Variants in TOP2A observed in about 807,000 individuals in gnomAD.
The protein encoded by TOP2A is DNA topoisomerase 2-alpha.
In TOP2A, 68 loss-of-function variants were observed where a neutral mutation model predicts 187.2. The ratio of observed to expected loss-of-function variants is 0.36; its 90% confidence interval spans 0.30 to 0.44. The LOEUF (loss-of-function observed/expected upper bound fraction) is 0.44. Among genes scored for constraint, TOP2A ranks in the 20% least tolerant of loss-of-function variants. The probability of loss-of-function intolerance (pLI) is 1.00; values close to 1 mark genes in which losing one functional copy is unlikely to be tolerated. For missense variants in TOP2A, 1,196 were observed against 1,808.7 expected, an observed-to-expected ratio of 0.66 and a Z score of 6.14; for synonymous variants, 542 against 593.2, an observed-to-expected ratio of 0.91 and a Z score of 1.25.
intron 4 of TOP2A, among the ~76,000 whole-genome samples, chr17:40,415,057 C>CTTT (rs199613504): frequency 1.4e-5 from 2 of 141,046 alleles, no homozygotes; most frequent in Non-Finnish European, 3.1e-5. Context: ...ATTAGCTCAA[C>CTTT]TTTTTTTTTT....
chr17:40,408,780 T>G (rs1320624973), intron 10 of TOP2A, 150 bp from the exon 11 acceptor site: 3 of 818,020 alleles, frequency 3.7e-6, no homozygotes, highest in Non-Finnish European at 6.1e-6. Flanking sequence ...GGGTGGCACA[T>G]CTTCCCATGT....
At chr17:40,403,904 G>C (rs557214305) in intron 19 of TOP2A, among the ~76,000 whole-genome samples, 7 of 152,238 alleles carry the variant, frequency 4.6e-5, no homozygotes, top group African/African-American at 1.4e-4. Context: ...TCTAAATTTT[G>C]ACATCACAAA....
At position 40,401,953 on chromosome 17, in the gene TOP2A, A is replaced by AT. The variant is rs1445880176; in HGVS notation, c.2433-873dup. ...CTGGTTAGCTAAAATAGGTCTTTAGATTTTACTCTGAGCAGTTGAAGGTTC... is the reference window on the plus strand; with the variant it reads ...CTGGTTAGCTAAAATAGGTCTTTAGATTTTTACTCTGAGCAGTTGAAGGTTC... On this transcript the variant is annotated intron_variant, in intron 20 of 34. Transcript: ENST00000423485. Among the ~76,000 whole-genome samples, 8 of 152,316 alleles carry AT rather than the reference A, an allele frequency of 5.3e-5. No individual in the cohort carries two copies. The East Asian group carries it at 1.4e-3, about 26-fold the overall frequency.
At position 40,400,677 on chromosome 17, in the gene TOP2A, T is replaced by C; in HGVS notation, c.2665-14A>G. On this transcript the variant is annotated splice_polypyrimidine_tract_variant and intron_variant, in intron 21 of 34. Coordinates refer to ENST00000423485, the MANE Select transcript of TOP2A (RefSeq NM_001067.4). ...GTAACTTGGAAGCTAAATTGGCATTTAAAAAAACAGTATGTTTTCTAAATG... is the reference window on the plus strand; with the variant it reads ...GTAACTTGGAAGCTAAATTGGCATTCAAAAAAACAGTATGTTTTCTAAATG... 6.3e-7 allele frequency: 1 copy of C among 1,583,778 alleles called. No homozygotes were observed. Among genetic ancestry groups the C allele is most frequent in the Non-Finnish European group, 8.6e-7 (1 of 1,167,978 alleles).
chr17:40,403,148 G>T, intron 19 of TOP2A, 94 bp from the exon 20 acceptor site: 1 of 1,228,684 alleles, frequency 8.1e-7, no homozygotes, highest in Non-Finnish European at 1.1e-6. Flanking sequence ...ATTTTGTGAG[G>T]TCTAGTTGTT....
At chr17:40,403,520 T>A (rs1349937392) in intron 19 of TOP2A, among the ~76,000 whole-genome samples, 1 of 152,230 alleles carries the variant, frequency 6.6e-6, no homozygotes, top group East Asian at 1.9e-4. Context: ...CCCTACTATA[T>A]TTTGATTGAA....
At chr17:40,408,803 A>G in intron 10 of TOP2A, 173 bp from the exon 11 acceptor site, 1 of 722,446 alleles carries the variant, frequency 1.4e-6, no homozygotes, top group South Asian at 1.5e-5. Context: ...GGTTATCACC[A>G]CTGAGGGAGC....
rs1169726251 is a variant in TOP2A at position 40,388,719 on chromosome 17, G to C, written c.*800C>G. 1.1e-5 allele frequency: 2 copies of C among 190,396 alleles called. No homozygotes were observed. Among genetic ancestry groups the C allele is most frequent in the Non-Finnish European group, 2.2e-5 (2 of 90,786 alleles). The allele number at this position is 190,396 out of a possible 1,614,324, so 11.8% of individuals were successfully genotyped here. On this transcript the variant is annotated 3_prime_UTR_variant, in exon 35 of 35. Coordinates refer to ENST00000423485, the MANE Select transcript of TOP2A (RefSeq NM_001067.4). ...AAAATGAATCTAATAGCTCATTGCTGAGCATGGTTATCAATATAACATTTA... is the reference window on the plus strand; with the variant it reads ...AAAATGAATCTAATAGCTCATTGCTCAGCATGGTTATCAATATAACATTTA...
intron 11 of TOP2A, 47 bp from the exon 12 acceptor site, chr17:40,408,171 T>G: frequency 1.4e-6 from 2 of 1,392,060 alleles, no homozygotes; most frequent in East Asian, 5.0e-5. Context: ...TAGTTCAACC[T>G]CAAATATACT....
At position 40,400,612 on chromosome 17, in the gene TOP2A, G is replaced by A; in HGVS notation, c.2716C>T (p.Gln906Ter). The change falls in exon 22 of 35, where the codon CAA (glutamine) becomes TAA (stop). Residue 906 changes from glutamine (Q) to a stop codon, truncating the protein, a stop_gained. Coordinates refer to ENST00000423485, the MANE Select transcript of TOP2A (RefSeq NM_001067.4). LOFTEE classifies it high-confidence loss of function. ...KGTIEELAPN[Q>*]YVISGEVAIL... is the part of the protein sequence containing the mutation. The stretch of plus-strand genomic sequence containing the variant: ...GCTACTTCACCACTAATCACATATT[G>A]ATTTGGAGCCAGTTCTTCAATAGTA... The A allele has an allele frequency of 6.2e-7, 1 of 1,609,664 alleles. No individual in the cohort carries two copies. Among genetic ancestry groups the A allele is most frequent in the Admixed American group, 1.7e-5 (1 of 59,120 alleles).
intron 29 of TOP2A, 38 bp downstream of exon 29, chr17:40,395,411 C>T: frequency 7.2e-7 from 1 of 1,389,182 alleles, no homozygotes; most frequent in Non-Finnish European, 1.0e-6. Context: ...ACAATTTAAT[C>T]TTCACTTTAT....
At chr17:40,397,790 T>G (rs2035120343) in intron 27 of TOP2A, among the ~76,000 whole-genome samples, 1 of 151,602 alleles carries the variant, frequency 6.6e-6, no homozygotes, top group Admixed American at 6.6e-5. Flanking sequence ...TTTTTTTTTT[T>G]TTTTTGAGAC....
intron 1 of TOP2A, among the ~76,000 whole-genome samples, chr17:40,417,188 G>C (rs1446947461): frequency 1.3e-5 from 2 of 152,102 alleles, no homozygotes; most frequent in Non-Finnish European, 2.9e-5. Context: ...ACTTCTTTCA[G>C]TTCCTGCATA....
At chr17:40,391,025 C>G (rs989841551) in intron 33 of TOP2A, among the ~76,000 whole-genome samples, 2 of 152,088 alleles carry the variant, frequency 1.3e-5, no homozygotes, top group Non-Finnish European at 2.9e-5. Flanking sequence ...AAGCCTGGTA[C>G]TGAGAGAAAC....
chr17:40,405,299 G>A (rs550853724), intron 16 of TOP2A, among the ~76,000 whole-genome samples: 1 of 151,796 alleles, frequency 6.6e-6, no homozygotes, highest in African/African-American at 2.4e-5. Context: ...ACAGGCACGT[G>A]CCACCACACC....
intron 4 of TOP2A, among the ~76,000 whole-genome samples, chr17:40,414,045 A>T (rs1285494226): frequency 6.6e-6 from 1 of 152,160 alleles, no homozygotes; most frequent in African/African-American, 2.4e-5. Context: ...TTCCTGAAAT[A>T]GGAGTCAAGA....
chr17:40,416,799 A>G lies in TOP2A; in HGVS notation c.118T>C (p.Leu40=), dbSNP rs762586454. The part of the protein sequence containing the change: ...VERIYQKKTQ[L]EHILLRPDTY... ...TCTGGGCGGAGCAAAATATGTTCCA[A>G]TTGTGTTTTCTTTTGATAGATTCTT... Residue 40 remains leucine (L), a synonymous_variant, in exon 2 of 35, where the codon TTG becomes CTG. Transcript: ENST00000423485. 9.9e-6 allele frequency: 16 copies of G among 1,613,236 alleles called. No individual in the cohort carries two copies. Among genetic ancestry groups the G allele is most frequent in the Admixed American group, 3.3e-5 (2 of 59,926 alleles).
At chr17:40,406,743 C>A in intron 14 of TOP2A, 54 bp from the exon 15 acceptor site, 1 of 1,567,972 alleles carries the variant, frequency 6.4e-7, no homozygotes, top group Admixed American at 1.7e-5. Flanking sequence ...CCCCTGTATA[C>A]CACTACATGT....
intron 33 of TOP2A, among the ~76,000 whole-genome samples, chr17:40,390,662 A>G (rs1292865171): frequency 1.6e-5 from 2 of 123,868 alleles, no homozygotes; most frequent in Non-Finnish European, 1.7e-5. Flanking sequence ...ATCTTGCTCT[A>G]TCTCGCCCAG....
Sources: allele counts gnomAD v4.1 joint callset (sites outside exome capture counted in the v4.1 genomes callset), GRCh38; gene constraint gnomAD v4.1.1; transcripts MANE v1.5; gene names NCBI Gene and HGNC (gene_info 2026-07-23, HGNC 2026-07-21).